The following CSMD3 variants were observed in gnomAD, a reference collection of about 807,000 sequenced individuals.
The protein encoded by CSMD3 is CUB and sushi domain-containing protein 3.
CSMD3 carries 177 observed loss-of-function variants against 435.2 expected under a neutral mutation model. That is an observed-to-expected ratio of 0.41 (90% CI 0.36 to 0.46). The LOEUF is 0.46. Among genes scored for constraint, CSMD3 ranks in the 20% least tolerant of loss-of-function variants. The probability of loss-of-function intolerance (pLI) is 0.34; values close to 1 mark genes in which losing one functional copy is unlikely to be tolerated. For synonymous variants in CSMD3, 1,656 were observed against 1,520.5 expected (o/e 1.09, Z -2.07); for missense variants, 4,265 against 4,504.6 (o/e 0.95, Z 1.52).
At chr8:112,326,033 A>G (rs1823480022) in intron 45 of CSMD3, among the ~76,000 whole-genome samples, 1 of 152,182 alleles carries the variant, frequency 6.6e-6, no homozygotes, top group East Asian at 1.9e-4. Context: ...GACATTCACA[A>G]ATAAATAACA....
intron 3 of CSMD3, among the ~76,000 whole-genome samples, chr8:113,212,069 C>CT (rs2092842157): frequency 1.3e-5 from 2 of 151,886 alleles, no homozygotes. Context: ...GCATTTATAC[C>CT]TTTGTATATT....
chr8:113,389,985 A>G (rs1022113976), intron 1 of CSMD3, among the ~76,000 whole-genome samples: 1 of 151,570 alleles, frequency 6.6e-6, no homozygotes, highest in African/African-American at 2.4e-5. Flanking sequence ...TTTCTGTTTC[A>G]TTTTCTTTAT....
chr8:113,342,646 T>A (rs141572520), intron 1 of CSMD3, among the ~76,000 whole-genome samples: 1 of 152,252 alleles, frequency 6.6e-6, no homozygotes, highest in East Asian at 1.9e-4. Context: ...AAGACAAATT[T>A]TAACAAGATT....
At chr8:113,187,638 A>C (rs1025038184) in intron 3 of CSMD3, among the ~76,000 whole-genome samples, 1 of 151,970 alleles carries the variant, frequency 6.6e-6, no homozygotes, top group Non-Finnish European at 1.5e-5. Context: ...AATGTGGTTG[A>C]GTTTTGCCTT....
rs77544944 is a variant in CSMD3, at chr8:112,296,229, A to T, written c.8441-223T>A. Among the ~76,000 whole-genome samples, 763 of 152,300 alleles carry T rather than the reference A, an allele frequency of 5.0e-3. 6 individuals carry two copies. Among genetic ancestry groups the T allele is most frequent in the African/African-American group, 0.018 (735 of 41,568 alleles). Reference sequence around the variant, plus strand: ...CGTGTCTAGTGACACTTGGGTCTTGAAGAAATTATAAAATATCTCAATGTG... The same window carrying T: ...CGTGTCTAGTGACACTTGGGTCTTGTAGAAATTATAAAATATCTCAATGTG... On this transcript the variant is annotated intron_variant, in intron 53 of 70. Coordinates refer to ENST00000297405, the MANE Select transcript of CSMD3 (RefSeq NM_198123.2).
At chr8:112,311,299 A>T in intron 49 of CSMD3, 133 bp from the exon 50 acceptor site, 2 of 725,904 alleles carry the variant, frequency 2.8e-6, no homozygotes, top group South Asian at 1.5e-5. Context: ...ACTTCATATG[A>T]ACAACATATT....
chr8:112,585,407 G>A (rs1830646440), intron 23 of CSMD3, among the ~76,000 whole-genome samples: 1 of 138,674 alleles, frequency 7.2e-6, no homozygotes, highest in East Asian at 2.1e-4. Flanking sequence ...CTTACATTGA[G>A]TCTTTTTTTT....
At chr8:112,298,024 A>T (rs888096536) in intron 53 of CSMD3, among the ~76,000 whole-genome samples, 1 of 150,450 alleles carries the variant, frequency 6.6e-6, no homozygotes, top group African/African-American at 2.4e-5. Context: ...AAATTTAGCA[A>T]TAGCACATTC....
intron 1 of CSMD3, among the ~76,000 whole-genome samples, chr8:113,322,293 T>A (rs2093954514): frequency 6.6e-6 from 1 of 152,206 alleles, no homozygotes; most frequent in Admixed American, 6.5e-5. Flanking sequence ...TCTTCTCATG[T>A]TGTACTGGTT....
intron 8 of CSMD3, among the ~76,000 whole-genome samples, chr8:112,948,667 G>T (rs1319171400): frequency 6.6e-6 from 1 of 151,768 alleles, no homozygotes. Context: ...AAGTGAACTG[G>T]AGGATAAATT....
chr8:112,731,099 GTTA>G (rs1462745897), intron 13 of CSMD3, among the ~76,000 whole-genome samples: 2 of 151,998 alleles, frequency 1.3e-5, no homozygotes, highest in Non-Finnish European at 2.9e-5. Flanking sequence ...GAGTAGCATT[GTTA>G]TTATTATTGT....
chr8:113,328,220 C>T (rs901089397), intron 1 of CSMD3, among the ~76,000 whole-genome samples: 2 of 151,760 alleles, frequency 1.3e-5, no homozygotes, highest in Admixed American at 6.6e-5. Context: ...GGGCGGATCA[C>T]GAGGTCAGGA....
chr8:112,811,964 A>G (rs2079240038), intron 12 of CSMD3, among the ~76,000 whole-genome samples: 2 of 152,258 alleles, frequency 1.3e-5, no homozygotes, highest in East Asian at 3.9e-4. Flanking sequence ...CTACAGAGGA[A>G]AGAGTCATAT....
At chr8:112,661,754 A>G (rs1018460475) in intron 17 of CSMD3, among the ~76,000 whole-genome samples, 4 of 152,074 alleles carry the variant, frequency 2.6e-5, no homozygotes, top group African/African-American at 7.2e-5. Flanking sequence ...ATAACATTCC[A>G]GTTTCAGTCA....
chr8:112,366,041 A>C (rs570494703), intron 38 of CSMD3, among the ~76,000 whole-genome samples: 1 of 152,322 alleles, frequency 6.6e-6, no homozygotes, highest in South Asian at 2.1e-4. Flanking sequence ...TTGAAGAACT[A>C]TAACAGGAGA....
At position 113,278,469 on chromosome 8, in the gene CSMD3, A is replaced by G. The variant is rs918615755; in HGVS notation, c.514+123T>C. 1.4e-5 allele frequency: 9 copies of G among 662,200 alleles called. No homozygotes were observed. The East Asian group carries it at 2.5e-4, about 19-fold the overall frequency. 41.0% of individuals were successfully genotyped at this position (662,200 alleles called of 1,614,324 possible). ...TACATTAATGATTAATAACAAGATA[A>G]ATTTCAGGACAAGATTTGAGACAAC... On this transcript the variant is annotated intron_variant, in intron 3 of 70. Coordinates refer to ENST00000297405, the MANE Select transcript of CSMD3 (RefSeq NM_198123.2).
intron 16 of CSMD3, among the ~76,000 whole-genome samples, chr8:112,680,990 G>C (rs2075878595): frequency 6.6e-6 from 1 of 150,834 alleles, no homozygotes; most frequent in African/African-American, 2.4e-5. Flanking sequence ...GACAGTTATA[G>C]TTCATCTATT....
chr8:113,348,943 T>C (rs1007392002), intron 1 of CSMD3, among the ~76,000 whole-genome samples: 1 of 152,154 alleles, frequency 6.6e-6, no homozygotes, highest in African/African-American at 2.4e-5. Flanking sequence ...TCAAATATAA[T>C]CATTAATTTT....
chr8:112,705,452 A>G (rs1323495229), intron 13 of CSMD3, among the ~76,000 whole-genome samples: 2 of 152,062 alleles, frequency 1.3e-5, no homozygotes, highest in African/African-American at 2.4e-5. Flanking sequence ...AAAGTATATA[A>G]GCTTTCTGCT....
Sources: gnomAD v4.1 joint callset for allele counts (sites outside exome capture counted in the v4.1 genomes callset) on GRCh38, gnomAD v4.1.1 for gene constraint, MANE v1.5 for transcripts, NCBI Gene and HGNC (gene_info 2026-07-23, HGNC 2026-07-21) for gene names.